The following CTNNA3 variants were observed in gnomAD, a reference collection of about 807,000 sequenced individuals.
The protein encoded by CTNNA3 is catenin alpha-3.
A neutral mutation model predicts 95.7 loss-of-function variants in CTNNA3; 76 were observed. The observed-to-expected ratio is 0.79, with a 90% CI of 0.66 to 0.96. CTNNA3 has a LOEUF of 0.96. Among genes scored for constraint, CTNNA3 ranks in the 40% least tolerant of loss-of-function variants. The pLI is 0.00. For missense variants in CTNNA3, 1,191 were observed against 1,089.8 expected, an observed-to-expected ratio of 1.09 and a Z score of -1.31; for synonymous variants, 431 against 374.4, an observed-to-expected ratio of 1.15 and a Z score of -1.74.
At chr10:66,775,845 G>T (rs1023741714) in intron 7 of CTNNA3, among the ~76,000 whole-genome samples, 1 of 152,134 alleles carries the variant, frequency 6.6e-6, no homozygotes, top group East Asian at 1.9e-4. Context: ...CACTAAGCAG[G>T]CAATTAGCTT....
At chr10:66,041,228 C>A (rs114371231) in intron 15 of CTNNA3, among the ~76,000 whole-genome samples, 1 of 152,106 alleles carries the variant, frequency 6.6e-6, no homozygotes, top group Non-Finnish European at 1.5e-5. Context: ...GACTAGTATT[C>A]TTTAAAAGTG....
At chr10:66,811,299 C>T (rs1841864974) in intron 7 of CTNNA3, among the ~76,000 whole-genome samples, 1 of 152,060 alleles carries the variant, frequency 6.6e-6, no homozygotes, top group Non-Finnish European at 1.5e-5. Context: ...GCTGCAGGAA[C>T]TTAGATGTTT....
At chr10:66,816,918 A>G (rs1842110657) in intron 7 of CTNNA3, among the ~76,000 whole-genome samples, 1 of 152,070 alleles carries the variant, frequency 6.6e-6, no homozygotes, top group African/African-American at 2.4e-5. Flanking sequence ...ACAATCGTAA[A>G]TTGCCAGTTG....
At chr10:66,625,893 G>A (rs1030662511) in intron 9 of CTNNA3, among the ~76,000 whole-genome samples, 2 of 152,034 alleles carry the variant, frequency 1.3e-5, no homozygotes, top group African/African-American at 4.8e-5. Flanking sequence ...CTCTATCAAG[G>A]TCAGGAGGAT....
chr10:67,133,366 C>A (rs5001400), intron 7 of CTNNA3, among the ~76,000 whole-genome samples: 1 of 124,564 alleles, frequency 8.0e-6, no homozygotes, highest in Admixed American at 8.4e-5. Flanking sequence ...TACATACATA[C>A]ATATATATAT....
chr10:66,962,810 T>G lies in CTNNA3; in HGVS notation c.1048-187286A>C, dbSNP rs118001404. Reference sequence around the variant, plus strand: ...AGAATTGTTTCTCCTTATTTTACTGTTCTCCAAAGCAATTATCACCATATA... The same window carrying G: ...AGAATTGTTTCTCCTTATTTTACTGGTCTCCAAAGCAATTATCACCATATA... On this transcript the variant is annotated intron_variant, in intron 7 of 17. Coordinates refer to ENST00000433211, the MANE Select transcript of CTNNA3 (RefSeq NM_013266.4). Among the ~76,000 whole-genome samples, 1,413 of 152,290 alleles carry G rather than the reference T, an allele frequency of 9.3e-3. 12 individuals are homozygous for G. Among genetic ancestry groups the G allele is most frequent in the Non-Finnish European group, 0.014 (960 of 68,030 alleles).
At chr10:67,477,954 G>T (rs1437528132) in intron 5 of CTNNA3, among the ~76,000 whole-genome samples, 1 of 152,178 alleles carries the variant, frequency 6.6e-6, no homozygotes, top group African/African-American at 2.4e-5. Context: ...AGCAATGCAG[G>T]ACATGAGGAA....
At chr10:66,921,200 T>C (rs1846768338) in intron 7 of CTNNA3, among the ~76,000 whole-genome samples, 1 of 152,126 alleles carries the variant, frequency 6.6e-6, no homozygotes, top group African/African-American at 2.4e-5. Context: ...GCAAGCTCTC[T>C]CATTTCTGTC....
chr10:67,713,459 A>C lies in CTNNA3; in HGVS notation c.-2+49975T>G, dbSNP rs928069592. On this transcript the variant is annotated intron_variant, in intron 1 of 17. Coordinates refer to the CTNNA3 transcript ENST00000684154. ...GTATATACCCAAAGGATTATAAGTC[A>C]CTCTACTATAAAGACACATGCACAC... Among the ~76,000 whole-genome samples, 3 of 152,312 alleles carry C rather than the reference A, an allele frequency of 2.0e-5. No individual in the cohort carries two copies. In the South Asian group the frequency reaches 6.2e-4, roughly 32 times the overall value.
chr10:66,036,071 A>G (rs1451263621), intron 15 of CTNNA3, among the ~76,000 whole-genome samples: 1 of 152,212 alleles, frequency 6.6e-6, no homozygotes, highest in Non-Finnish European at 1.5e-5. Context: ...GAATACATTT[A>G]GAGTCAAAAA....
At chr10:65,934,682 C>T (rs1380625537) in intron 17 of CTNNA3, among the ~76,000 whole-genome samples, 1 of 151,918 alleles carries the variant, frequency 6.6e-6, no homozygotes, top group Non-Finnish European at 1.5e-5. Flanking sequence ...TTTAACAATT[C>T]CCTCAGAAAG....
intron 3 of CTNNA3, among the ~76,000 whole-genome samples, chr10:67,585,773 C>T (rs1365495406): frequency 3.9e-5 from 6 of 152,016 alleles, no homozygotes; most frequent in Admixed American, 2.0e-4. Flanking sequence ...TTTCAAAAAA[C>T]CAACCTTTTG....
At chr10:66,806,862 G>C (rs1245535421) in intron 7 of CTNNA3, among the ~76,000 whole-genome samples, 1 of 150,930 alleles carries the variant, frequency 6.6e-6, no homozygotes, top group Admixed American at 6.6e-5. Flanking sequence ...CAAGTATTTT[G>C]TACAATCATA....
At chr10:66,549,247 G>T (rs1842139981) in intron 10 of CTNNA3, among the ~76,000 whole-genome samples, 1 of 151,946 alleles carries the variant, frequency 6.6e-6, no homozygotes, top group South Asian at 2.1e-4. Flanking sequence ...GCCCGCCTCT[G>T]TCTCCACCAA....
intron 15 of CTNNA3, among the ~76,000 whole-genome samples, chr10:66,029,400 A>G (rs1322282230): frequency 2.0e-5 from 3 of 148,386 alleles, no homozygotes; most frequent in Non-Finnish European, 4.5e-5. Context: ...TGCTTACTCC[A>G]GTCTCAAAGA....
intron 9 of CTNNA3, among the ~76,000 whole-genome samples, chr10:66,636,223 A>C (rs1310091302): frequency 6.6e-6 from 1 of 152,068 alleles, no homozygotes; most frequent in Non-Finnish European, 1.5e-5. Context: ...AAGTATAGCT[A>C]ATTATGTAAT....
At chr10:66,063,913 T>C (rs1311274960) in intron 15 of CTNNA3, among the ~76,000 whole-genome samples, 1 of 152,194 alleles carries the variant, frequency 6.6e-6, no homozygotes, top group African/African-American at 2.4e-5. Flanking sequence ...CATTTAACTC[T>C]GATCTTCAAC....
chr10:67,742,236 A>C (rs1194016314), intron 1 of CTNNA3, among the ~76,000 whole-genome samples: 1 of 151,296 alleles, frequency 6.6e-6, no homozygotes, highest in African/African-American at 2.4e-5. Context: ...TCCAAAATTT[A>C]CCACATAGTT....
chr10:67,353,777 G>A (rs1320040156), intron 5 of CTNNA3, among the ~76,000 whole-genome samples: 1 of 151,946 alleles, frequency 6.6e-6, no homozygotes, highest in Admixed American at 6.6e-5. Context: ...ATAAGTAGAT[G>A]AATGTGTGAG....
Sources: gnomAD v4.1 joint callset for allele counts (sites outside exome capture counted in the v4.1 genomes callset) on GRCh38, gnomAD v4.1.1 for gene constraint, MANE v1.5 for transcripts, NCBI Gene and HGNC (gene_info 2026-07-23, HGNC 2026-07-21) for gene names.